The following IQGAP2 variants were observed in gnomAD, a reference collection of about 807,000 sequenced individuals.
IQGAP2 encodes the protein IQ motif containing GTPase activating protein 2.
IQGAP2 carries 173 observed loss-of-function variants against 201.3 expected under a neutral mutation model. The observed-to-expected ratio is 0.86, with a 90% CI of 0.76 to 0.98. The LOEUF (loss-of-function observed/expected upper bound fraction) is 0.98, where lower values mean the gene tolerates loss of function less well. Ranked by LOEUF, IQGAP2 falls within the 50% of genes least tolerant of loss-of-function variation. IQGAP2 has a pLI of 0.00. For synonymous variants in IQGAP2, 675 were observed against 673.9 expected (o/e 1.00, Z -0.03); for missense variants, 1,687 against 1,864.8 (o/e 0.90, Z 1.76).
rs1321196565 is a variant in IQGAP2 at position 76,637,032 on chromosome 5, A to T, written c.1781-2A>T. 1.3e-6 allele frequency: 2 copies of T among 1,590,888 alleles called. No individual in the cohort carries two copies. Among genetic ancestry groups the T allele is most frequent in the Admixed American group, 1.8e-5 (1 of 54,962 alleles). On this transcript the variant is annotated splice_acceptor_variant, in intron 15 of 35. Coordinates refer to ENST00000274364, the MANE Select transcript of IQGAP2 (RefSeq NM_006633.5). LOFTEE classifies it high-confidence loss of function. ...TAGAATTTAACAAACTTTTTTCTTT[A>T]GTGTCTAGTGACGGTTCATGGCTCA...
intron 13 of IQGAP2, chr5:76,618,193 T>C (rs747627420): frequency 1.9e-6 from 3 of 1,614,156 alleles, no homozygotes; most frequent in Non-Finnish European, 2.5e-6. Context: ...CCATAGAAGA[T>C]GACTGTGGTG....
chr5:76,629,271 A>T (rs757502044), intron 14 of IQGAP2, among the ~76,000 whole-genome samples: 4 of 152,212 alleles, frequency 2.6e-5, no homozygotes, highest in Non-Finnish European at 5.9e-5. Flanking sequence ...TCTGACTTTC[A>T]ACAAGAATTT....
In IQGAP2 at chr5:76,640,986, T is replaced by G; in HGVS notation, c.1977T>G (p.Ala659=). The change falls in exon 17 of 36, where the codon GCT becomes GCG. Residue 659 remains alanine, a synonymous_variant. Coordinates refer to ENST00000274364, the MANE Select transcript of IQGAP2 (RefSeq NM_006633.5). Reference sequence around the variant, plus strand: ...ACATTCGTGAGAATATATGGTCTGCTTCAGAAGAGTTGCTTCTTCGCTTTC... The same window carrying G: ...ACATTCGTGAGAATATATGGTCTGCGTCAGAAGAGTTGCTTCTTCGCTTTC... ...VGYIRENIWS[A]SEELLLRFQA... is the part of the protein sequence containing the mutation. 1 of 1,610,060 alleles carries G rather than the reference T, an allele frequency of 6.2e-7. No homozygotes were observed. Among genetic ancestry groups the G allele is most frequent in the Non-Finnish European group, 8.5e-7 (1 of 1,176,602 alleles).
At chr5:76,420,962 C>T (rs1751700883) in intron 1 of IQGAP2, among the ~76,000 whole-genome samples, 2 of 152,278 alleles carry the variant, frequency 1.3e-5, no homozygotes, top group Admixed American at 1.3e-4. Context: ...TTTTATTTAT[C>T]CATTCATTCA....
intron 28 of IQGAP2, among the ~76,000 whole-genome samples, chr5:76,679,693 C>A (rs1173293598): frequency 1.3e-5 from 2 of 152,200 alleles, no homozygotes; most frequent in South Asian, 4.1e-4. Context: ...ATAAATTTAT[C>A]CATCTTGCAT....
chr5:76,451,173 G>A (rs1312385698), intron 1 of IQGAP2, among the ~76,000 whole-genome samples: 5 of 152,140 alleles, frequency 3.3e-5, no homozygotes, highest in African/African-American at 4.8e-5. Flanking sequence ...ACTTTCTGGT[G>A]CCAAGCCATG....
chr5:76,670,757 A>G (rs1207696323), intron 23 of IQGAP2, among the ~76,000 whole-genome samples: 1 of 152,232 alleles, frequency 6.6e-6, no homozygotes, highest in East Asian at 1.9e-4. Flanking sequence ...TAGAAGCTGT[A>G]TTGCAGCTTT....
intron 2 of IQGAP2, among the ~76,000 whole-genome samples, chr5:76,496,771 T>TTC (rs1756995611): frequency 1.7e-5 from 2 of 120,954 alleles, no homozygotes; most frequent in African/African-American, 8.2e-5. Context: ...CTTTCTTTCT[T>TTC]TCTTTCTTTC....
intron 13 of IQGAP2, among the ~76,000 whole-genome samples, chr5:76,621,911 C>G (rs1749717200): frequency 6.6e-6 from 1 of 152,106 alleles, no homozygotes; most frequent in African/African-American, 2.4e-5. Flanking sequence ...TCAGGGGTGT[C>G]CAAGGGAGAG....
rs528829084 is a variant in IQGAP2, at chr5:76,465,783, A to G, written c.146+4114A>G. Among the ~76,000 whole-genome samples, 5 of 152,334 alleles carry G rather than the reference A, an allele frequency of 3.3e-5. No individual in the cohort carries two copies. In the South Asian group the frequency reaches 1.0e-3, roughly 32 times the overall value. The stretch of plus-strand genomic sequence containing the variant: ...AATGAAATTAAGAAAGCAATTCACT[A>G]TATGATAGCATTAAAAACAATAAAA... On this transcript the variant is annotated intron_variant, in intron 2 of 35. Coordinates refer to ENST00000274364, the MANE Select transcript of IQGAP2 (RefSeq NM_006633.5).
intron 21 of IQGAP2, among the ~76,000 whole-genome samples, chr5:76,663,917 G>C (rs1263167624): frequency 6.6e-6 from 1 of 152,214 alleles, no homozygotes; most frequent in Admixed American, 6.5e-5. Context: ...CTTTGGATTA[G>C]GCTTAGGCTT....
At chr5:76,640,649 G>C (rs776862262) in intron 16 of IQGAP2, among the ~76,000 whole-genome samples, 2 of 152,172 alleles carry the variant, frequency 1.3e-5, no homozygotes, top group Non-Finnish European at 2.9e-5. Context: ...CAGGCCTCAT[G>C]CCTGGTCCTT....
At chr5:76,567,465 C>T (rs1744833560) in intron 3 of IQGAP2, among the ~76,000 whole-genome samples, 2 of 152,160 alleles carry the variant, frequency 1.3e-5, no homozygotes, top group Admixed American at 1.3e-4. Flanking sequence ...CAGTATCTGC[C>T]TTTGTGGAGA....
chr5:76,654,903 G>A, intron 19 of IQGAP2, 31 bp from the exon 20 acceptor site: 1 of 1,456,232 alleles, frequency 6.9e-7, no homozygotes. Flanking sequence ...TGGGACTCTG[G>A]GAGATCAAGA....
At chr5:76,446,814 T>C (rs1753418066) in intron 1 of IQGAP2, among the ~76,000 whole-genome samples, 1 of 152,220 alleles carries the variant, frequency 6.6e-6, no homozygotes. Flanking sequence ...AGACTTAGCA[T>C]ATCCAGCATA....
rs1750463098 is a variant in IQGAP2 at position 76,628,787 on chromosome 5, AAGGAACTTTGAAGTCTT to A, written c.1612+1288_1612+1304del. On this transcript the variant is annotated intron_variant, in intron 14 of 35. Transcript: ENST00000274364. The stretch of plus-strand genomic sequence containing the variant: ...TCTCTAACCTGAACTTTTATTCCCT[AAGGAACTTTGAAGTCTT>A]TCCTTTCTAGCACGCCTTAAGAAAA... 2 of 449,672 alleles carry A rather than the reference AAGGAACTTTGAAGTCTT, an allele frequency of 4.4e-6. 1 individual carries two copies. Among genetic ancestry groups the A allele is most frequent in the South Asian group, 3.2e-5 (2 of 62,714 alleles). 27.9% of individuals were successfully genotyped at this position (449,672 alleles called of 1,614,324 possible).
intron 17 of IQGAP2, among the ~76,000 whole-genome samples, chr5:76,646,382 T>G: frequency 6.6e-6 from 1 of 152,212 alleles, no homozygotes; most frequent in East Asian, 1.9e-4. Flanking sequence ...TTTTATCATT[T>G]AATGTGTGAA....
chr5:76,590,712 T>A, intron 8 of IQGAP2, 126 bp downstream of exon 8: 1 of 701,126 alleles, frequency 1.4e-6, no homozygotes, highest in Non-Finnish European at 2.3e-6. Flanking sequence ...CGTAGACAAT[T>A]GATTTGAATG....
At chr5:76,425,790 G>A (rs183146423) in intron 1 of IQGAP2, among the ~76,000 whole-genome samples, 36 of 152,288 alleles carry the variant, frequency 2.4e-4, no homozygotes, top group African/African-American at 8.4e-4. Context: ...TGCTGGCCTT[G>A]CTTTTCGGTT....
Sources: allele counts gnomAD v4.1 joint callset (sites outside exome capture counted in the v4.1 genomes callset), GRCh38; gene constraint gnomAD v4.1.1; transcripts MANE v1.5; gene names NCBI Gene and HGNC (gene_info 2026-07-23, HGNC 2026-07-21).